The following MYRIP variants were observed in gnomAD, a reference collection of about 807,000 sequenced individuals.
MYRIP encodes the protein myosin VIIA and Rab interacting protein.
Under a neutral mutation model 98.0 loss-of-function variants are expected in MYRIP, and 49 were observed. The observed-to-expected ratio is 0.50, with a 90% confidence interval of 0.40 to 0.63. MYRIP has a LOEUF of 0.63. MYRIP is among the 30% of genes least tolerant of loss of function. The probability of loss-of-function intolerance (pLI) is 0.00; values close to 1 mark genes in which losing one functional copy is unlikely to be tolerated. For synonymous variants in MYRIP, 404 were observed against 409.5 expected (o/e 0.99, Z 0.16); for missense variants, 1,004 against 1,058.2 (o/e 0.95, Z 0.71).
intron 3 of MYRIP, among the ~76,000 whole-genome samples, chr3:40,057,220 G>A (rs1455048262): frequency 2.0e-5 from 3 of 151,852 alleles, no homozygotes; most frequent in Non-Finnish European, 4.4e-5. Context: ...CACAAAAAGA[G>A]CCTCAATTAA....
At chr3:40,034,676 G>A (rs546378854) in intron 2 of MYRIP, among the ~76,000 whole-genome samples, 3,776 of 150,018 alleles carry the variant, frequency 0.025, 136 homozygotes, top group Non-Finnish European at 0.035. Flanking sequence ...GATTCCTCAG[G>A]GATCTAGAAC....
intron 2 of MYRIP, among the ~76,000 whole-genome samples, chr3:39,930,457 T>C (rs1434312119): frequency 6.6e-6 from 1 of 152,100 alleles, no homozygotes; most frequent in African/African-American, 2.4e-5. Flanking sequence ...ACTTACTATA[T>C]ATATGATTTG....
At chr3:40,006,467 T>C (rs1450701428) in intron 2 of MYRIP, among the ~76,000 whole-genome samples, 1 of 152,156 alleles carries the variant, frequency 6.6e-6, no homozygotes, top group Admixed American at 6.5e-5. Context: ...CAATGATGGA[T>C]TCCAGATATG....
At chr3:40,217,704 T>A (rs955714641) in intron 11 of MYRIP, among the ~76,000 whole-genome samples, 4 of 152,080 alleles carry the variant, frequency 2.6e-5, no homozygotes, top group Non-Finnish European at 4.4e-5. Context: ...CATAAAAAAA[T>A]GAAATTGATT....
intron 3 of MYRIP, among the ~76,000 whole-genome samples, chr3:40,115,813 G>C (rs1301386532): frequency 6.7e-6 from 1 of 148,452 alleles, no homozygotes; most frequent in African/African-American, 2.5e-5. Context: ...TTTTTTATGT[G>C]ATGCTCTTTG....
intron 12 of MYRIP, among the ~76,000 whole-genome samples, chr3:40,236,871 G>T (rs1952841203): frequency 6.6e-6 from 1 of 152,030 alleles, no homozygotes; most frequent in Non-Finnish European, 1.5e-5. Context: ...TAGAAATGGG[G>T]TCTTGCTATG....
chr3:39,924,034 A>G (rs1327964260), intron 2 of MYRIP, among the ~76,000 whole-genome samples: 1 of 152,098 alleles, frequency 6.6e-6, no homozygotes, highest in Non-Finnish European at 1.5e-5. Flanking sequence ...AAATTCTAAA[A>G]AATGTTCAAG....
chr3:39,909,460 C>A (rs765223505), intron 2 of MYRIP, among the ~76,000 whole-genome samples: 1 of 151,996 alleles, frequency 6.6e-6, no homozygotes, highest in Non-Finnish European at 1.5e-5. Flanking sequence ...GTTATTAGCC[C>A]TTGAAGAAGA....
chr3:39,834,006 G>A (rs1941549089), intron 1 of MYRIP, among the ~76,000 whole-genome samples: 1 of 152,204 alleles, frequency 6.6e-6, no homozygotes, highest in Non-Finnish European at 1.5e-5. Flanking sequence ...TCCAGCCTGG[G>A]CAACAAGAGC....
At chr3:39,911,499 T>C (rs1239309206) in intron 2 of MYRIP, among the ~76,000 whole-genome samples, 1 of 152,220 alleles carries the variant, frequency 6.6e-6, no homozygotes, top group Non-Finnish European at 1.5e-5. Flanking sequence ...TTCTGGGCCC[T>C]GATAAAGCTT....
upstream of MYRIP, chr3:39,809,040 G>A (rs1181380864): frequency 6.6e-6 from 1 of 152,198 alleles, no homozygotes; most frequent in Admixed American, 6.5e-5. Context: ...GTAAATTTAT[G>A]GGAGAATTAA....
At chr3:40,066,398 CT>C (rs1019443309) in intron 3 of MYRIP, among the ~76,000 whole-genome samples, 3 of 151,716 alleles carry the variant, frequency 2.0e-5, no homozygotes, top group Admixed American at 6.6e-5. Flanking sequence ...CTGAAGAAAA[CT>C]TTTTTTTTCC....
chr3:39,904,697 C>T (rs1469496413), intron 2 of MYRIP, among the ~76,000 whole-genome samples: 1 of 152,122 alleles, frequency 6.6e-6, no homozygotes, highest in African/African-American at 2.4e-5. Flanking sequence ...TACTATCCCC[C>T]ACTGTCTGCT....
chr3:39,845,876 A>C (rs958977880), intron 1 of MYRIP, among the ~76,000 whole-genome samples: 1 of 144,128 alleles, frequency 6.9e-6, no homozygotes, highest in East Asian at 2.0e-4. Context: ...AAAAAAATTC[A>C]TGCTTCCAGT....
At chr3:39,935,065 T>C (rs901320076) in intron 2 of MYRIP, among the ~76,000 whole-genome samples, 1 of 152,224 alleles carries the variant, frequency 6.6e-6, no homozygotes, top group African/African-American at 2.4e-5. Flanking sequence ...GTCCTGGGGC[T>C]GATCTGCCCC....
At chr3:39,915,361 C>T (rs761933252) in intron 2 of MYRIP, among the ~76,000 whole-genome samples, 3 of 151,988 alleles carry the variant, frequency 2.0e-5, no homozygotes, top group Non-Finnish European at 4.4e-5. Flanking sequence ...TTTTAATAGA[C>T]ATCAGTTGTC....
chr3:39,997,709 A>G (rs1946400392), intron 2 of MYRIP, among the ~76,000 whole-genome samples: 1 of 152,226 alleles, frequency 6.6e-6, no homozygotes, highest in Admixed American at 6.5e-5. Context: ...CCTGATACCA[A>G]AGCCTGGCAG....
chr3:40,028,054 G>A (rs1256041489), intron 2 of MYRIP, among the ~76,000 whole-genome samples: 2 of 152,092 alleles, frequency 1.3e-5, no homozygotes, highest in African/African-American at 2.4e-5. Flanking sequence ...TAGCAAACAA[G>A]TGATGTACAT....
In MYRIP at chr3:39,830,523, A is replaced by T. The variant is rs1281210951; in HGVS notation, c.-31+20607A>T. On this transcript the variant is annotated intron_variant, in intron 1 of 16. Coordinates refer to ENST00000302541, the MANE Select transcript of MYRIP (RefSeq NM_015460.4). ...GTTTCCTCTCTCACTGAGAAAACCAAAGCCATTGTGAGGAACTTTCACAGG... is the reference window on the plus strand; with the variant it reads ...GTTTCCTCTCTCACTGAGAAAACCATAGCCATTGTGAGGAACTTTCACAGG... Among the ~76,000 whole-genome samples the T allele has an allele frequency of 2.0e-5, 3 of 152,180 alleles. No individual in the cohort carries two copies. The South Asian group carries it at 6.2e-4, about 32-fold the overall frequency.
Sources: gnomAD v4.1 joint callset for allele counts (sites outside exome capture counted in the v4.1 genomes callset) on GRCh38, gnomAD v4.1.1 for gene constraint, MANE v1.5 for transcripts, NCBI Gene and HGNC (gene_info 2026-07-23, HGNC 2026-07-21) for gene names.